The following ABCB1 variants were observed in gnomAD, a reference collection of about 807,000 sequenced individuals.
ABCB1 encodes ATP-dependent translocase ABCB1.
A neutral mutation model predicts 142.0 loss-of-function variants in ABCB1; 69 were observed. That is an observed-to-expected ratio of 0.49 (90% CI 0.40 to 0.59). The LOEUF is 0.59. ABCB1 is among the 20% of genes least tolerant of loss of function. The pLI is 0.00. For missense variants in ABCB1, 1,326 were observed against 1,554.7 expected, an observed-to-expected ratio of 0.85 and a Z score of 2.47; for synonymous variants, 532 against 539.2, an observed-to-expected ratio of 0.99 and a Z score of 0.18.
At chr7:87,555,056 G>A (rs749623984) in intron 8 of ABCB1, among the ~76,000 whole-genome samples, 2 of 152,054 alleles carry the variant, frequency 1.3e-5, no homozygotes, top group Non-Finnish European at 1.5e-5. Flanking sequence ...AATTTTTGAC[G>A]GTAAAGTTAA....
chr7:87,630,750 A>T (rs1310300075), intron 1 of ABCB1, among the ~76,000 whole-genome samples: 1 of 151,836 alleles, frequency 6.6e-6, no homozygotes, highest in Non-Finnish European at 1.5e-5. Context: ...TATTTATTGA[A>T]TGAATAATTT....
At chr7:87,638,475 A>G (rs1822067517) in intron 1 of ABCB1, among the ~76,000 whole-genome samples, 2 of 151,996 alleles carry the variant, frequency 1.3e-5, no homozygotes. Flanking sequence ...TGAACCGCAA[A>G]TTGTCTTTGT....
At chr7:87,669,994 T>C (rs1825670005) in intron 1 of ABCB1, among the ~76,000 whole-genome samples, 1 of 152,158 alleles carries the variant, frequency 6.6e-6, no homozygotes, top group Admixed American at 6.5e-5. Context: ...TCTCTGTATT[T>C]TCTGAATTTA....
At chr7:87,620,803 C>G (rs1204384093) in intron 1 of ABCB1, among the ~76,000 whole-genome samples, 2 of 151,874 alleles carry the variant, frequency 1.3e-5, no homozygotes, top group East Asian at 3.9e-4. Flanking sequence ...GCATAAAAAT[C>G]AAACCAACAG....
chr7:87,694,100 GTT>G (rs36014243), intron 1 of ABCB1: 47,421 of 1,170,648 alleles, frequency 0.041, 758 homozygotes, highest in Middle Eastern at 0.049. Context: ...GTGTGTTTTT[GTT>G]TTTTTTTTTT....
intron 24 of ABCB1, 112 bp downstream of exon 24, chr7:87,516,397 G>A (rs891770724): frequency 2.2e-5 from 30 of 1,390,652 alleles, no homozygotes; most frequent in Admixed American, 1.0e-4. Flanking sequence ...GATCTAGGAA[G>A]TTTTATTTTA....
chr7:87,521,009 T>C, intron 21 of ABCB1, 133 bp from the exon 22 acceptor site: 2 of 715,972 alleles, frequency 2.8e-6, no homozygotes, highest in South Asian at 1.6e-5. Flanking sequence ...ATTTTCTCTG[T>C]AGAAAAAGAT....
At chr7:87,661,914 A>G (rs1824753350) in intron 1 of ABCB1, among the ~76,000 whole-genome samples, 1 of 151,906 alleles carries the variant, frequency 6.6e-6, no homozygotes, top group African/African-American at 2.4e-5. Flanking sequence ...ACCAGTATTC[A>G]TTATTGCTTG....
At chr7:87,569,215 C>G (rs1246686583) in intron 5 of ABCB1, among the ~76,000 whole-genome samples, 1 of 151,514 alleles carries the variant, frequency 6.6e-6, no homozygotes, top group Non-Finnish European at 1.5e-5. Context: ...CGCCTGTAAT[C>G]CCAGCCACTT....
At chr7:87,643,818 C>A (rs2188532) in intron 1 of ABCB1, among the ~76,000 whole-genome samples, 1 of 150,544 alleles carries the variant, frequency 6.6e-6, no homozygotes, top group South Asian at 2.1e-4. Context: ...TGAGCCACCA[C>A]GCCCGGCCAA....
At chr7:87,510,485 A>T (rs1047789691) in intron 25 of ABCB1, among the ~76,000 whole-genome samples, 3 of 152,264 alleles carry the variant, frequency 2.0e-5, no homozygotes, top group African/African-American at 7.2e-5. Context: ...CTCTGATGCA[A>T]ATATGTCTAT....
chr7:87,654,153 A>G (rs1043809852), intron 1 of ABCB1, among the ~76,000 whole-genome samples: 4 of 151,980 alleles, frequency 2.6e-5, no homozygotes, highest in Admixed American at 6.6e-5. Context: ...TATATTAACA[A>G]TCTACCCAAC....
At chr7:87,633,917 T>C (rs1821476943) in intron 1 of ABCB1, among the ~76,000 whole-genome samples, 3 of 152,188 alleles carry the variant, frequency 2.0e-5, no homozygotes. Flanking sequence ...AAGAGGTTTA[T>C]TTAGCTAACA....
chr7:87,678,025 G>A (rs28746486), intron 1 of ABCB1, among the ~76,000 whole-genome samples: 9 of 152,178 alleles, frequency 5.9e-5, no homozygotes, highest in Non-Finnish European at 1.3e-4. Context: ...AGCAAATCTG[G>A]TCTAAAAGAA....
chr7:87,537,677 TA>T (rs1413785822), intron 19 of ABCB1, among the ~76,000 whole-genome samples: 3 of 152,210 alleles, frequency 2.0e-5, no homozygotes, highest in Non-Finnish European at 4.4e-5. Context: ...AGCAGTTAGA[TA>T]AATGTAGCTC....
rs1414173164 is a variant in ABCB1 at position 87,503,945 on chromosome 7, G to A, written c.*298C>T. 2.4e-6 allele frequency: 1 copy of A among 421,348 alleles called. No individual in the cohort carries two copies. Among genetic ancestry groups the A allele is most frequent in the Non-Finnish European group, 4.3e-6 (1 of 231,060 alleles). 26.1% of individuals were successfully genotyped at this position (421,348 alleles called of 1,614,324 possible). On this transcript the variant is annotated 3_prime_UTR_variant, in exon 28 of 28. Coordinates refer to ENST00000622132, the MANE Select transcript of ABCB1 (RefSeq NM_001348946.2). The stretch of plus-strand genomic sequence containing the variant: ...GCTACTTCTATAATCTTTTAGCAAG[G>A]CAGTCAGTTACAGTCCAAATGGGAA...
At chr7:87,530,603 G>A (rs767289142) in intron 21 of ABCB1, among the ~76,000 whole-genome samples, 2 of 151,684 alleles carry the variant, frequency 1.3e-5, no homozygotes, top group Non-Finnish European at 2.9e-5. Context: ...TAAAAAAAGG[G>A]TAAAGATAAA....
intron 1 of ABCB1, among the ~76,000 whole-genome samples, chr7:87,688,521 T>C (rs1009004953): frequency 1.3e-5 from 2 of 151,928 alleles, no homozygotes; most frequent in African/African-American, 4.8e-5. Flanking sequence ...TACCCTAAAA[T>C]AGGAAAAAAA....
chr7:87,505,893 T>C lies in ABCB1; in HGVS notation c.3636+4A>G, dbSNP rs1003507978. ...GTATGGATGAACCCAATTTAAATTC[T>C]TACCTTTTCACTTTCTGTATCCAGA... On this transcript the variant is annotated splice_donor_region_variant and intron_variant, in intron 27 of 27. Transcript: ENST00000622132. The C allele has an allele frequency of 5.0e-6, 8 of 1,614,056 alleles. No homozygotes were observed. In the Admixed American group the frequency reaches 5.0e-5, roughly 10 times the overall value.
Sources: gnomAD v4.1 joint callset for allele counts (sites outside exome capture counted in the v4.1 genomes callset) on GRCh38, gnomAD v4.1.1 for gene constraint, MANE v1.5 for transcripts, NCBI Gene and HGNC (gene_info 2026-07-23, HGNC 2026-07-21) for gene names.